Variants in TEK observed in about 807,000 individuals in gnomAD.
TEK encodes angiopoietin-1 receptor.
A neutral mutation model predicts 131.8 loss-of-function variants in TEK; 43 were observed. That is an observed-to-expected ratio of 0.33 (90% CI 0.26 to 0.42). TEK has a LOEUF of 0.42. TEK is among the 10% of genes least tolerant of loss of function. The pLI is 1.00. For missense variants in TEK, 1,162 were observed against 1,384.4 expected (o/e 0.84, Z 2.55); for synonymous variants, 580 against 491.6 (o/e 1.18, Z -2.38).
intron 1 of TEK, among the ~76,000 whole-genome samples, chr9:27,133,358 T>C (rs1196453461): frequency 6.6e-6 from 1 of 152,256 alleles, no homozygotes; most frequent in East Asian, 1.9e-4. Flanking sequence ...TCTTTCAAAA[T>C]GTCGTGTACT....
chr9:27,218,543 C>T (rs1426202537), intron 19 of TEK, among the ~76,000 whole-genome samples: 1 of 152,016 alleles, frequency 6.6e-6, no homozygotes, highest in African/African-American at 2.4e-5. Flanking sequence ...ACCTTGTAGT[C>T]TCTAGTTAAA....
chr9:27,157,619 G>A lies in TEK; in HGVS notation c.53-212G>A, dbSNP rs141596633. 2.2e-3 allele frequency among the ~76,000 whole-genome samples: 342 copies of A among 152,314 alleles called. 1 individual carries two copies. The highest frequency in any genetic ancestry group is 1.8e-3 in the Non-Finnish European group (120 of 68,026). ...TGCAACTAGGGTATGCAGTGGGGCA[G>A]GAGAGGTTAGCAGGGTCTAGCTGAT... On this transcript the variant is annotated intron_variant, in intron 1 of 22. Coordinates refer to ENST00000380036, the MANE Select transcript of TEK (RefSeq NM_000459.5).
intron 6 of TEK, 52 bp downstream of exon 6, chr9:27,173,414 G>A (rs752310943): frequency 1.7e-5 from 28 of 1,611,984 alleles, no homozygotes; most frequent in Non-Finnish European, 2.3e-5. Context: ...GGTATATAAA[G>A]GAGATCCAGT....
chr9:27,143,543 AGCCAG>A (rs1473900711), intron 1 of TEK, among the ~76,000 whole-genome samples: 1 of 152,182 alleles, frequency 6.6e-6, no homozygotes, highest in Non-Finnish European at 1.5e-5. Flanking sequence ...TTAAGAATAG[AGCCAG>A]CCCATGACCA....
intron 18 of TEK, among the ~76,000 whole-genome samples, chr9:27,214,164 T>A (rs553509529): frequency 1.3e-5 from 2 of 152,352 alleles, no homozygotes; most frequent in African/African-American, 2.4e-5. Context: ...CAGGAGAACC[T>A]AACCATACAG....
intron 1 of TEK, among the ~76,000 whole-genome samples, chr9:27,148,908 T>A (rs1488247583): frequency 3.3e-5 from 5 of 152,244 alleles, no homozygotes; most frequent in African/African-American, 4.8e-5. Flanking sequence ...TCTTTTGCTG[T>A]ATAGAAGGTT....
At chr9:27,134,835 A>G (rs1822357756) in intron 1 of TEK, among the ~76,000 whole-genome samples, 1 of 152,198 alleles carries the variant, frequency 6.6e-6, no homozygotes, top group African/African-American at 2.4e-5. Context: ...ATACCAGAAC[A>G]TAGGAGGAAT....
intron 1 of TEK, among the ~76,000 whole-genome samples, chr9:27,119,315 C>A (rs931567162): frequency 1.3e-5 from 2 of 152,046 alleles, no homozygotes; most frequent in Admixed American, 1.3e-4. Context: ...TTGGGGAAGA[C>A]CTTTTAAAAA....
Position 27,213,525 on chromosome 9 carries a change from T to A in TEK, c.2919T>A (p.Gly973=). ...RDLAARNILV[G]ENYVAKIADF... ...TGGCTGCCAGAAACATTTTAGTTGG[T>A]GAAAACTATGTGGCAAAAATAGCAG... The change falls in exon 18 of 23, where the codon GGT becomes GGA. Residue 973 remains glycine, a synonymous_variant. Coordinates refer to ENST00000380036, the MANE Select transcript of TEK (RefSeq NM_000459.5). The A allele has an allele frequency of 6.2e-7, 1 of 1,614,070 alleles. No homozygotes were observed. The highest frequency in any genetic ancestry group is 8.5e-7 in the Non-Finnish European group (1 of 1,179,932).
intron 2 of TEK, among the ~76,000 whole-genome samples, chr9:27,167,104 C>T (rs1278835616): frequency 6.6e-6 from 1 of 152,192 alleles, no homozygotes; most frequent in African/African-American, 2.4e-5. Flanking sequence ...TTCAGAAACT[C>T]TTGTTGCTGG....
At chr9:27,186,235 T>G (rs1488356026) in intron 9 of TEK, among the ~76,000 whole-genome samples, 1 of 148,942 alleles carries the variant, frequency 6.7e-6, no homozygotes, top group Non-Finnish European at 1.5e-5. Context: ...GTGTGTAGAT[T>G]TGTGGCTTGA....
intron 1 of TEK, among the ~76,000 whole-genome samples, chr9:27,144,629 T>C (rs1822849527): frequency 6.6e-6 from 1 of 152,070 alleles, no homozygotes; most frequent in South Asian, 2.1e-4. Flanking sequence ...GGCGAGGGAA[T>C]GTGATCAGAC....
chr9:27,116,884 C>T (rs1291823013), intron 1 of TEK, among the ~76,000 whole-genome samples: 27 of 113,076 alleles, frequency 2.4e-4, no homozygotes, highest in African/African-American at 9.0e-4. Context: ...TTTTTTGAGT[C>T]GGAGTCTCGC....
intron 19 of TEK, 66 bp from the exon 20 acceptor site, chr9:27,218,711 T>G: frequency 6.3e-7 from 1 of 1,583,566 alleles, no homozygotes; most frequent in Non-Finnish European, 8.7e-7. Context: ...CCCTGGCTTT[T>G]GGGGCCGGAA....
rs936061681 is a variant in TEK, at chr9:27,150,022, C to G, written c.53-7809C>G. ...TGGCCAAAACTCCTCTCTAGATATT[C>G]TCAATTTCTCTGTCCTGTACCCTTT... On this transcript the variant is annotated intron_variant, in intron 1 of 22. Transcript: ENST00000380036. Among the ~76,000 whole-genome samples the G allele has an allele frequency of 9.2e-5, 14 of 152,168 alleles. 1 individual carries two copies. Among genetic ancestry groups the G allele is most frequent in the African/African-American group, 2.9e-4 (12 of 41,422 alleles).
chr9:27,227,885 G>A (rs62542576), intron 21 of TEK, among the ~76,000 whole-genome samples: 20,336 of 152,202 alleles, frequency 0.13, 1,765 homozygotes, highest in Admixed American at 0.21. Flanking sequence ...GGCCCTTTAA[G>A]AGACACTAAC....
intron 1 of TEK, among the ~76,000 whole-genome samples, chr9:27,131,497 G>C (rs941889989): frequency 2.2e-5 from 3 of 136,658 alleles, no homozygotes; most frequent in African/African-American, 8.4e-5. Flanking sequence ...AAAAAAAAAA[G>C]TTATGATAAA....
At chr9:27,139,953 C>T (rs919068273) in intron 1 of TEK, among the ~76,000 whole-genome samples, 2 of 152,164 alleles carry the variant, frequency 1.3e-5, no homozygotes, top group African/African-American at 4.8e-5. Flanking sequence ...TGTCCTGCCA[C>T]CTTGGCTTCC....
chr9:27,208,524 C>T (rs1457185456), intron 15 of TEK, among the ~76,000 whole-genome samples: 1 of 152,198 alleles, frequency 6.6e-6, no homozygotes, highest in Non-Finnish European at 1.5e-5. Flanking sequence ...TTTCCTGATT[C>T]CCATGCAACT....
Sources: allele counts gnomAD v4.1 joint callset (sites outside exome capture counted in the v4.1 genomes callset), GRCh38; gene constraint gnomAD v4.1.1; transcripts MANE v1.5; gene names NCBI Gene and HGNC (gene_info 2026-07-23, HGNC 2026-07-21).